Variants in TMEM232 observed in about 807,000 individuals in gnomAD.
The protein encoded by TMEM232 is transmembrane protein 232.
A neutral mutation model predicts 78.8 loss-of-function variants in TMEM232; 80 were observed. That is an observed-to-expected ratio of 1.01 (90% CI 0.85 to 1.22). TMEM232 has a LOEUF of 1.22. TMEM232 is among the 50% of genes most tolerant of loss of function. The pLI is 0.00. For missense variants in TMEM232, 881 were observed against 742.2 expected, an observed-to-expected ratio of 1.19 and a Z score of -2.17; for synonymous variants, 297 against 254.3, an observed-to-expected ratio of 1.17 and a Z score of -1.60.
At chr5:110,521,979 T>C (rs1025131141) in intron 12 of TMEM232, among the ~76,000 whole-genome samples, 1 of 152,200 alleles carries the variant, frequency 6.6e-6, no homozygotes, top group Admixed American at 6.5e-5. Flanking sequence ...AGAATTGTTA[T>C]TTCTATTTAT....
chr5:110,494,549 C>A (rs1212982021), intron 12 of TMEM232, among the ~76,000 whole-genome samples: 1 of 151,930 alleles, frequency 6.6e-6, no homozygotes, highest in Non-Finnish European at 1.5e-5. Context: ...ATAGCATTAC[C>A]TTTAAATTTA....
chr5:110,657,964 G>A (rs1789311610), intron 2 of TMEM232, among the ~76,000 whole-genome samples: 1 of 152,056 alleles, frequency 6.6e-6, no homozygotes, highest in African/African-American at 2.4e-5. Flanking sequence ...CAATTAATAT[G>A]GCTTCTCCTA....
At chr5:110,394,899 TCAAGCAGTAGTCCA>T (rs1755328628) in intron 3 of TMEM232, among the ~76,000 whole-genome samples, 1 of 152,130 alleles carries the variant, frequency 6.6e-6, no homozygotes, top group South Asian at 2.1e-4. Context: ...TTGCTCCCCT[TCAAGCAGTAGTCCA>T]CTGTCACTCA....
chr5:110,389,615 A>T (rs1755108831), intron 4 of TMEM232, among the ~76,000 whole-genome samples: 2 of 152,204 alleles, frequency 1.3e-5, no homozygotes, highest in Non-Finnish European at 2.9e-5. Flanking sequence ...CTGACATAAA[A>T]ATTCACCATC....
chr5:110,399,427 G>GA (rs1358385495), intron 2 of TMEM232, among the ~76,000 whole-genome samples: 1 of 152,070 alleles, frequency 6.6e-6, no homozygotes, highest in African/African-American at 2.4e-5. Flanking sequence ...TTTTAACCCA[G>GA]AGAAAATATG....
At position 110,642,386 on chromosome 5, in the gene TMEM232, G is replaced by A; in HGVS notation, c.126-15C>T. The A allele has an allele frequency of 6.8e-7, 1 of 1,472,190 alleles. No homozygotes were observed. The highest frequency in any genetic ancestry group is 9.0e-7 in the Non-Finnish European group (1 of 1,108,786). The allele number at this position is 1,472,190 out of a possible 1,614,324, so 91.2% of individuals were successfully genotyped here. ...AAAATGTTGGCCTAAATAAAACATT[G>A]AAAAATTAACATTTAAAAAGTATAG... On this transcript the variant is annotated splice_polypyrimidine_tract_variant and intron_variant, in intron 2 of 13. Coordinates refer to ENST00000455884, the MANE Select transcript of TMEM232 (RefSeq NM_001039763.4).
chr5:110,628,246 C>T (rs555215523), intron 5 of TMEM232, among the ~76,000 whole-genome samples: 1 of 152,104 alleles, frequency 6.6e-6, no homozygotes, highest in East Asian at 1.9e-4. Context: ...ATATATTTTA[C>T]TGTACAATTC....
chr5:110,703,059 G>C (rs1264343402), intron 1 of TMEM232, among the ~76,000 whole-genome samples: 6 of 152,120 alleles, frequency 3.9e-5, no homozygotes, highest in Middle Eastern at 3.4e-3. Flanking sequence ...TCCCAAACTT[G>C]ACTCTCCGGA....
chr5:110,618,387 A>G (rs1418177396), intron 8 of TMEM232, 42 bp downstream of exon 8: 1 of 1,543,930 alleles, frequency 6.5e-7, no homozygotes, highest in Admixed American at 2.1e-5. Context: ...AAGCACAAAG[A>G]TTTCTCCATG....
At chr5:110,672,855 G>A (rs1016527948) in intron 1 of TMEM232, among the ~76,000 whole-genome samples, 19 of 152,112 alleles carry the variant, frequency 1.2e-4, no homozygotes, top group African/African-American at 4.6e-4. Flanking sequence ...ATTATTGCAT[G>A]TACAATAAGA....
chr5:110,531,396 C>G (rs1299568017), intron 11 of TMEM232, among the ~76,000 whole-genome samples: 2 of 152,218 alleles, frequency 1.3e-5, no homozygotes, highest in Non-Finnish European at 2.9e-5. Flanking sequence ...TCCTCCTGCT[C>G]TTTGCTCTGT....
At chr5:110,391,851 A>C (rs1341709496) in intron 3 of TMEM232, among the ~76,000 whole-genome samples, 1 of 152,224 alleles carries the variant, frequency 6.6e-6, no homozygotes, top group East Asian at 1.9e-4. Context: ...TGGACTATAC[A>C]GCAGTTTGGA....
chr5:110,423,805 G>GTGTA, intron 13 of TMEM232, among the ~76,000 whole-genome samples: 1 of 151,798 alleles, frequency 6.6e-6, no homozygotes, highest in African/African-American at 2.4e-5. Context: ...GTGTGTGTGT[G>GTGTA]TGTGTATGTG....
At chr5:110,726,178 A>AAG (rs1798138169) in intron 1 of TMEM232, among the ~76,000 whole-genome samples, 1 of 150,178 alleles carries the variant, frequency 6.7e-6, no homozygotes, top group Admixed American at 6.6e-5. Flanking sequence ...TTGAAGTCCA[A>AAG]GAGTCTTCAT....
At chr5:110,475,414 G>C (rs1763136576) in intron 12 of TMEM232, among the ~76,000 whole-genome samples, 1 of 147,808 alleles carries the variant, frequency 6.8e-6, no homozygotes, top group Non-Finnish European at 1.5e-5. Flanking sequence ...TTTTAGTCAA[G>C]AGGGAGTAAC....
intron 1 of TMEM232, among the ~76,000 whole-genome samples, chr5:110,698,775 GAAAGA>G (rs941976916): frequency 5.9e-5 from 9 of 152,190 alleles, no homozygotes; most frequent in Admixed American, 5.2e-4. Context: ...ACGAAGAAAG[GAAAGA>G]AAAGTAAGGT....
intron 11 of TMEM232, among the ~76,000 whole-genome samples, chr5:110,535,281 T>G (rs1426072154): frequency 1.3e-5 from 2 of 152,144 alleles, no homozygotes; most frequent in Admixed American, 1.3e-4. Flanking sequence ...AAATTCCTTC[T>G]CCTGGCTCAT....
intron 1 of TMEM232, among the ~76,000 whole-genome samples, chr5:110,704,130 G>T (rs953710622): frequency 6.6e-6 from 1 of 152,016 alleles, no homozygotes; most frequent in African/African-American, 2.4e-5. Flanking sequence ...TTTTTACAGT[G>T]CACTGCTGAG....
chr5:110,691,311 T>C (rs1794095050), intron 1 of TMEM232, among the ~76,000 whole-genome samples: 1 of 152,218 alleles, frequency 6.6e-6, no homozygotes, highest in Non-Finnish European at 1.5e-5. Flanking sequence ...AAATCCCTGT[T>C]CTGGCATACT....
Sources: gnomAD v4.1 joint callset for allele counts (sites outside exome capture counted in the v4.1 genomes callset) on GRCh38, gnomAD v4.1.1 for gene constraint, MANE v1.5 for transcripts, NCBI Gene and HGNC (gene_info 2026-07-23, HGNC 2026-07-21) for gene names.